The following CPNE8 variants were observed in gnomAD, a reference collection of about 807,000 sequenced individuals.
CPNE8 encodes the protein copine 8, also known as copine-8.
Under a neutral mutation model 81.5 loss-of-function variants are expected in CPNE8, and 45 were observed. The ratio of observed to expected loss-of-function variants is 0.55; its 90% CI spans 0.44 to 0.71. CPNE8 has a LOEUF of 0.71. CPNE8 is among the 30% of genes least tolerant of loss of function. CPNE8 has a pLI of 0.00. For missense variants in CPNE8, 594 were observed against 672.1 expected, an observed-to-expected ratio of 0.88 and a Z score of 1.28; for synonymous variants, 252 against 226.3, an observed-to-expected ratio of 1.11 and a Z score of -1.02.
At chr12:38,761,011 T>G in intron 9 of CPNE8, 123 bp from the exon 10 acceptor site, 1 of 726,024 alleles carries the variant, frequency 1.4e-6, no homozygotes, top group East Asian at 3.0e-5. Flanking sequence ...ATTTTACATA[T>G]GAATTTGAAG....
chr12:38,674,219 C>A (rs74975811), intron 18 of CPNE8, among the ~76,000 whole-genome samples: 4,147 of 152,010 alleles, frequency 0.027, 174 homozygotes, highest in African/African-American at 0.092. Context: ...AAATGTGTTA[C>A]CAGAAATATA....
chr12:38,733,017 A>G (rs1473038377), intron 10 of CPNE8, among the ~76,000 whole-genome samples: 5 of 151,988 alleles, frequency 3.3e-5, no homozygotes, highest in Non-Finnish European at 5.9e-5. Context: ...ATATTATTGC[A>G]TCCATTCAGC....
chr12:38,702,693 C>T (rs867360892), intron 14 of CPNE8, among the ~76,000 whole-genome samples, 182 bp downstream of exon 14: 2 of 151,652 alleles, frequency 1.3e-5, no homozygotes, highest in Non-Finnish European at 1.5e-5. Flanking sequence ...TATATTATTT[C>T]TAGTCTTTTG....
At chr12:38,843,101 G>A (rs902657013) in intron 4 of CPNE8, among the ~76,000 whole-genome samples, 1 of 152,150 alleles carries the variant, frequency 6.6e-6, no homozygotes, top group Non-Finnish European at 1.5e-5. Context: ...CTAAGAGGAT[G>A]CATCCACTGT....
At chr12:38,781,820 C>CTCCA (rs1277902413) in intron 6 of CPNE8, among the ~76,000 whole-genome samples, 1 of 152,076 alleles carries the variant, frequency 6.6e-6, no homozygotes, top group Admixed American at 6.6e-5. Flanking sequence ...AAATCCTTAA[C>CTCCA]TCCAATCTAA....
intron 4 of CPNE8, among the ~76,000 whole-genome samples, chr12:38,845,804 A>C (rs1336151491): frequency 6.6e-6 from 1 of 152,218 alleles, no homozygotes; most frequent in African/African-American, 2.4e-5. Flanking sequence ...ATGAACTAAG[A>C]TGATGGACTT....
At chr12:38,654,834 T>C (rs1327100599) in intron 19 of CPNE8, among the ~76,000 whole-genome samples, 2 of 152,146 alleles carry the variant, frequency 1.3e-5, no homozygotes, top group Non-Finnish European at 2.9e-5. Flanking sequence ...AAATGAGTAT[T>C]ACCCAATTCA....
chr12:38,879,838 A>G (rs1478034905), intron 1 of CPNE8, among the ~76,000 whole-genome samples: 1 of 152,078 alleles, frequency 6.6e-6, no homozygotes, highest in Non-Finnish European at 1.5e-5. Flanking sequence ...TTAAAGTTCT[A>G]ATTCAATAAA....
At chr12:38,840,330 C>CT (rs1382185722) in intron 4 of CPNE8, among the ~76,000 whole-genome samples, 1 of 152,114 alleles carries the variant, frequency 6.6e-6, no homozygotes, top group Non-Finnish European at 1.5e-5. Context: ...GAAAAGCCCT[C>CT]TTCTCTGGAC....
intron 19 of CPNE8, among the ~76,000 whole-genome samples, chr12:38,668,214 T>G (rs572590319): frequency 2.6e-5 from 4 of 152,236 alleles, no homozygotes; most frequent in African/African-American, 9.6e-5. Context: ...CACAACATCA[T>G]GGGAGGGGCA....
intron 4 of CPNE8, among the ~76,000 whole-genome samples, chr12:38,841,529 G>A (rs780216808): frequency 3.9e-5 from 6 of 152,130 alleles, no homozygotes; most frequent in Non-Finnish European, 8.8e-5. Context: ...TTAGCTGCCA[G>A]TAAGTAGTTA....
At chr12:38,849,125 A>G (rs1441943129) in intron 3 of CPNE8, among the ~76,000 whole-genome samples, 1 of 152,168 alleles carries the variant, frequency 6.6e-6, no homozygotes, top group Non-Finnish European at 1.5e-5. Flanking sequence ...TTTGGGGAGA[A>G]TGCTCTGAAA....
chr12:38,860,888 G>T (rs1270004087), intron 3 of CPNE8, among the ~76,000 whole-genome samples: 1 of 152,286 alleles, frequency 6.6e-6, no homozygotes, highest in South Asian at 2.1e-4. Flanking sequence ...TTAAGTTTCA[G>T]TTACGAAAAA....
chr12:38,827,825 G>A (rs1414751829), intron 6 of CPNE8, among the ~76,000 whole-genome samples: 1 of 152,094 alleles, frequency 6.6e-6, no homozygotes, highest in Admixed American at 6.6e-5. Flanking sequence ...ACTTGAGGGT[G>A]GAGGAAGGGA....
chr12:38,815,537 GTTT>G (rs1193504060), intron 6 of CPNE8, among the ~76,000 whole-genome samples: 1 of 152,106 alleles, frequency 6.6e-6, no homozygotes, highest in African/African-American at 2.4e-5. Context: ...TTTCTATGCA[GTTT>G]TTTATTTTCA....
intron 6 of CPNE8, among the ~76,000 whole-genome samples, chr12:38,791,070 C>G (rs1942311427): frequency 6.6e-6 from 1 of 151,724 alleles, no homozygotes; most frequent in Non-Finnish European, 1.5e-5. Context: ...AATCTTTTAA[C>G]TATGTACACT....
intron 13 of CPNE8, among the ~76,000 whole-genome samples, chr12:38,720,415 C>T (rs1208249423): frequency 6.6e-6 from 1 of 152,090 alleles, no homozygotes; most frequent in African/African-American, 2.4e-5. Context: ...TAGACTCACA[C>T]CCAAATATTG....
At chr12:38,892,189 C>T (rs1287878397) in intron 1 of CPNE8, among the ~76,000 whole-genome samples, 1 of 152,118 alleles carries the variant, frequency 6.6e-6, no homozygotes, top group African/African-American at 2.4e-5. Flanking sequence ...CACAAAGGAA[C>T]GTGGGGATTA....
chr12:38,827,128 C>T (rs946283800), intron 6 of CPNE8, among the ~76,000 whole-genome samples: 2 of 131,880 alleles, frequency 1.5e-5, no homozygotes, highest in Middle Eastern at 4.8e-3. Context: ...TTGCAGTGAG[C>T]AGAGATTGCG....
Sources: allele counts gnomAD v4.1 joint callset (sites outside exome capture counted in the v4.1 genomes callset), GRCh38; gene constraint gnomAD v4.1.1; transcripts MANE v1.5; gene names NCBI Gene and HGNC (gene_info 2026-07-23, HGNC 2026-07-21).